Variants in BMP6 observed in about 807,000 individuals in gnomAD.
BMP6 encodes bone morphogenetic protein 6.
Under a neutral mutation model 54.1 loss-of-function variants are expected in BMP6, and 17 were observed. The ratio of observed to expected loss-of-function variants is 0.31; its 90% CI spans 0.22 to 0.47. The LOEUF is 0.47. Among genes scored for constraint, BMP6 ranks in the 20% least tolerant of loss-of-function variants. The pLI is 1.00. For synonymous variants in BMP6, 328 were observed against 291.2 expected (o/e 1.13, Z -1.28); for missense variants, 720 against 690.4 (o/e 1.04, Z -0.48).
chr6:7,868,795 G>A (rs890009293), intron 4 of BMP6, among the ~76,000 whole-genome samples: 4 of 152,184 alleles, frequency 2.6e-5, no homozygotes, highest in Non-Finnish European at 4.4e-5. Context: ...CAGGGCCTGC[G>A]GGGTCAGCCC....
rs2113269826 is a variant in BMP6, at chr6:7,856,411, T to C, written c.858-5040T>C. 2.0e-5 allele frequency among the ~76,000 whole-genome samples: 3 copies of C among 152,166 alleles called. 1 individual carries two copies. The South Asian group carries it at 6.2e-4, about 32-fold the overall frequency. On this transcript the variant is annotated intron_variant, in intron 2 of 6. Transcript: ENST00000283147. ...CTATTTGAAAAATGAATTTTTCTTA[T>C]TGCAGAAAGTCAGTTCCTCCATGTA...
chr6:7,794,755 G>T (rs1758168001), intron 1 of BMP6, among the ~76,000 whole-genome samples: 1 of 152,190 alleles, frequency 6.6e-6, no homozygotes, highest in Admixed American at 6.5e-5. Context: ...GAGGCAGGGA[G>T]TTGGAAGAGC....
At chr6:7,868,362 A>T (rs1463915586) in intron 4 of BMP6, among the ~76,000 whole-genome samples, 1 of 152,188 alleles carries the variant, frequency 6.6e-6, no homozygotes, top group Non-Finnish European at 1.5e-5. Flanking sequence ...ACCAGAAATC[A>T]AAACCCCAGT....
chr6:7,757,801 A>G (rs1299466101), intron 1 of BMP6, among the ~76,000 whole-genome samples: 1 of 152,184 alleles, frequency 6.6e-6, no homozygotes, highest in African/African-American at 2.4e-5. Context: ...CCACAGCTTC[A>G]TCTTCATAGA....
At chr6:7,727,760 C>T in intron 1 of BMP6, 141 bp downstream of exon 1, 7 of 1,087,386 alleles carry the variant, frequency 6.4e-6, no homozygotes, top group Non-Finnish European at 8.5e-6. Flanking sequence ...GACAGGCAGG[C>T]TGTGCTCCCG....
chr6:7,833,772 G>A (rs531821387), intron 1 of BMP6, among the ~76,000 whole-genome samples: 37 of 152,334 alleles, frequency 2.4e-4, no homozygotes, highest in Admixed American at 2.2e-3. Context: ...CAGACATTAG[G>A]CAGAGTTTAT....
At chr6:7,768,927 C>T (rs1757740155) in intron 1 of BMP6, among the ~76,000 whole-genome samples, 1 of 152,002 alleles carries the variant, frequency 6.6e-6, no homozygotes, top group Non-Finnish European at 1.5e-5. Flanking sequence ...ACTATAAAAC[C>T]AGGAGGCCAG....
chr6:7,876,587 CTT>C (rs1759618447), intron 4 of BMP6, among the ~76,000 whole-genome samples: 1 of 152,136 alleles, frequency 6.6e-6, no homozygotes, highest in African/African-American at 2.4e-5. Flanking sequence ...CTGTTGAATT[CTT>C]TAATTCTGTC....
chr6:7,789,218 G>A (rs1056585456), intron 1 of BMP6, among the ~76,000 whole-genome samples: 15 of 152,136 alleles, frequency 9.9e-5, no homozygotes, highest in African/African-American at 3.4e-4. Flanking sequence ...TACTACACTG[G>A]TCAGTAAAGG....
At chr6:7,836,220 T>A (rs534314020) in intron 1 of BMP6, among the ~76,000 whole-genome samples, 23 of 151,638 alleles carry the variant, frequency 1.5e-4, no homozygotes, top group African/African-American at 5.1e-4. Flanking sequence ...TAAAAAAAAA[T>A]GACTATTAAC....
chr6:7,840,322 G>C (rs191505609), intron 1 of BMP6, among the ~76,000 whole-genome samples: 6 of 152,328 alleles, frequency 3.9e-5, no homozygotes, highest in Admixed American at 3.9e-4. Flanking sequence ...TTGGAGAGAA[G>C]CAGTTGAAGA....
intron 4 of BMP6, among the ~76,000 whole-genome samples, chr6:7,864,470 G>A (rs1393372842): frequency 6.6e-6 from 1 of 152,164 alleles, no homozygotes; most frequent in Non-Finnish European, 1.5e-5. Context: ...CATATGTTGG[G>A]ATCCCTGGAA....
intron 1 of BMP6, among the ~76,000 whole-genome samples, chr6:7,808,285 C>T (rs770096509): frequency 7.2e-5 from 11 of 152,158 alleles, no homozygotes; most frequent in Non-Finnish European, 2.9e-5. Flanking sequence ...TCAGCTTGTA[C>T]TTTGGTTGGT....
chr6:7,858,554 T>C (rs140925241), intron 2 of BMP6, among the ~76,000 whole-genome samples: 31 of 152,218 alleles, frequency 2.0e-4, no homozygotes, highest in African/African-American at 6.7e-4. Flanking sequence ...CTCTACTTTT[T>C]AGATATGTGA....
intron 1 of BMP6, among the ~76,000 whole-genome samples, chr6:7,768,513 A>G (rs1409392380): frequency 2.0e-5 from 3 of 152,094 alleles, no homozygotes; most frequent in African/African-American, 7.2e-5. Context: ...TCTATGTCCC[A>G]AGGCTGTCTT....
At position 7,793,069 on chromosome 6, in the gene BMP6, C is replaced by G. The variant is rs188774164; in HGVS notation, c.665-52071C>G. ...TCCCACTTCTGCCTGATGGGAGAAACTTGATATACAGTTAATGCCAGGAAA... is the reference window on the plus strand; with the variant it reads ...TCCCACTTCTGCCTGATGGGAGAAAGTTGATATACAGTTAATGCCAGGAAA... On this transcript the variant is annotated intron_variant, in intron 1 of 6. Coordinates refer to ENST00000283147, the MANE Select transcript of BMP6 (RefSeq NM_001718.6). 1.5e-3 allele frequency among the ~76,000 whole-genome samples: 225 copies of G among 150,918 alleles called. 2 individuals are homozygous for G. Among genetic ancestry groups the G allele is most frequent in the African/African-American group, 5.2e-3 (217 of 41,424 alleles).
At chr6:7,759,162 G>A (rs1757569077) in intron 1 of BMP6, among the ~76,000 whole-genome samples, 1 of 152,138 alleles carries the variant, frequency 6.6e-6, no homozygotes, top group African/African-American at 2.4e-5. Context: ...GATGATTCTT[G>A]AAGTTTCATA....
chr6:7,832,171 A>G (rs1303014257), intron 1 of BMP6, among the ~76,000 whole-genome samples: 1 of 152,210 alleles, frequency 6.6e-6, no homozygotes, highest in Non-Finnish European at 1.5e-5. Flanking sequence ...GAAGAAGGCA[A>G]CTAAGGAAAG....
chr6:7,750,040 G>A (rs1670873486), intron 1 of BMP6, among the ~76,000 whole-genome samples: 1 of 152,170 alleles, frequency 6.6e-6, no homozygotes, highest in Non-Finnish European at 1.5e-5. Context: ...TTCTGGCAAT[G>A]GGCACAGTGG....
Sources: allele counts gnomAD v4.1 joint callset (sites outside exome capture counted in the v4.1 genomes callset), GRCh38; gene constraint gnomAD v4.1.1; transcripts MANE v1.5; gene names NCBI Gene and HGNC (gene_info 2026-07-23, HGNC 2026-07-21).